MAP4K5: variants seen among roughly 807,000 people sequenced by gnomAD.
MAP4K5 encodes MAPK/ERK kinase kinase kinase 5.
MAP4K5 carries 82 observed loss-of-function variants against 135.6 expected under a neutral mutation model. The observed-to-expected ratio is 0.60, with a 90% confidence interval of 0.51 to 0.73. MAP4K5 has a LOEUF of 0.73. Ranked by LOEUF, MAP4K5 falls within the 30% of genes least tolerant of loss-of-function variation. The probability of loss-of-function intolerance (pLI) is 0.00; values close to 1 mark genes in which losing one functional copy is unlikely to be tolerated. For missense variants in MAP4K5, 907 were observed against 1,010.9 expected, an observed-to-expected ratio of 0.90 and a Z score of 1.39; for synonymous variants, 347 against 335.0, an observed-to-expected ratio of 1.04 and a Z score of -0.39.
At chr14:50,429,970 A>C (rs908348898) in intron 28 of MAP4K5, among the ~76,000 whole-genome samples, 6 of 152,190 alleles carry the variant, frequency 3.9e-5, no homozygotes, top group African/African-American at 1.4e-4. Flanking sequence ...GCTGAATCTA[A>C]GAAAAGATTT....
chr14:50,438,204 A>T, intron 23 of MAP4K5, 110 bp from the exon 24 acceptor site: 1 of 573,756 alleles, frequency 1.7e-6, no homozygotes, highest in Non-Finnish European at 3.1e-6. Flanking sequence ...AATGTTTTTA[A>T]ATTAACAGAT....
At chr14:50,495,328 A>G (rs2037569487) in intron 3 of MAP4K5, among the ~76,000 whole-genome samples, 2 of 152,220 alleles carry the variant, frequency 1.3e-5, no homozygotes, top group Non-Finnish European at 2.9e-5. Flanking sequence ...AACATGCTCA[A>G]CATCATTAAT....
chr14:50,515,061 G>T (rs555713914), intron 2 of MAP4K5, among the ~76,000 whole-genome samples: 1 of 151,960 alleles, frequency 6.6e-6, no homozygotes, highest in African/African-American at 2.4e-5. Context: ...TCGCCGCCAC[G>T]CTAGGCTAAT....
At chr14:50,422,342 T>G (rs529655518) in intron 32 of MAP4K5, among the ~76,000 whole-genome samples, 1 of 152,262 alleles carries the variant, frequency 6.6e-6, no homozygotes, top group Non-Finnish European at 1.5e-5. Flanking sequence ...CCTATAAAAC[T>G]CTCTTCAAAA....
At chr14:50,550,379 G>T (rs2038687276) in intron 1 of MAP4K5, among the ~76,000 whole-genome samples, 1 of 152,198 alleles carries the variant, frequency 6.6e-6, no homozygotes, top group African/African-American at 2.4e-5. Flanking sequence ...TGTTTGCCTT[G>T]TTTCTGCTAC....
In MAP4K5 at chr14:50,468,686, T is replaced by C. The variant is rs934666729; in HGVS notation, c.639A>G (p.Glu213=). The change falls in exon 10 of 33, where the codon GAA becomes GAG. Residue 213 remains glutamate (E), a synonymous_variant. Transcript: ENST00000682126. ...AVGITAIELG[E]LQPPMFDLHP... is the part of the protein sequence containing the mutation. Reference sequence around the variant, plus strand: ...GGAGATCAAACATAGGTGGCTGAAGTTCTCCAAGTTCAATTGCTGTTATTC... The same window carrying C: ...GGAGATCAAACATAGGTGGCTGAAGCTCTCCAAGTTCAATTGCTGTTATTC... 6.2e-7 allele frequency: 1 copy of C among 1,613,306 alleles called. No homozygotes were observed. The highest frequency in any genetic ancestry group is 1.3e-5 in the African/African-American group (1 of 74,924).
chr14:50,555,781 C>T (rs2038758330), intron 1 of MAP4K5, among the ~76,000 whole-genome samples: 2 of 152,146 alleles, frequency 1.3e-5, no homozygotes, highest in South Asian at 2.1e-4. Context: ...TATCTTTAAA[C>T]AAATTGTTGC....
intron 2 of MAP4K5, among the ~76,000 whole-genome samples, chr14:50,521,023 G>A (rs1341301419): frequency 6.6e-6 from 1 of 152,032 alleles, no homozygotes; most frequent in East Asian, 1.9e-4. Context: ...GTTTCAACAT[G>A]TTGGCCAGGC....
intron 15 of MAP4K5, among the ~76,000 whole-genome samples, chr14:50,448,196 G>C (rs2036401321): frequency 6.6e-6 from 1 of 151,868 alleles, no homozygotes; most frequent in Admixed American, 6.6e-5. Flanking sequence ...TGTATTTTTA[G>C]TAAAGACAGG....
intron 9 of MAP4K5, among the ~76,000 whole-genome samples, chr14:50,469,893 T>C (rs74370598): frequency 0.027 from 4,185 of 152,344 alleles, 77 homozygotes; most frequent in East Asian, 0.067. Flanking sequence ...GTTGCTTTTA[T>C]ATGTACTTAG....
intron 2 of MAP4K5, among the ~76,000 whole-genome samples, chr14:50,521,018 A>C (rs968962112): frequency 6.6e-6 from 1 of 152,016 alleles, no homozygotes; most frequent in African/African-American, 2.4e-5. Flanking sequence ...ACAGGGTTTC[A>C]ACATGTTGGC....
In MAP4K5 at chr14:50,490,186, G is replaced by GA. The variant is rs753198621; in HGVS notation, c.167-3993dup. 2.2e-3 allele frequency among the ~76,000 whole-genome samples: 255 copies of GA among 117,100 alleles called. 1 individual carries two copies. The highest frequency in any genetic ancestry group is 4.2e-3 in the Middle Eastern group (1 of 238). The allele number at this position is 117,100 out of a possible 152,430, so 76.8% of individuals were successfully genotyped here. On this transcript the variant is annotated intron_variant, in intron 3 of 32. Coordinates refer to ENST00000682126, the MANE Select transcript of MAP4K5 (RefSeq NM_006575.6). Reference sequence around the variant, plus strand: ...AAGGGAACTCAGCCTGATACTCTTAGAAAAAAAAAAAAATGACCCCCTTCA... The same window carrying GA: ...AAGGGAACTCAGCCTGATACTCTTAGAAAAAAAAAAAAAATGACCCCCTTCA...
chr14:50,468,445 A>C, intron 10 of MAP4K5: 1 of 539,352 alleles, frequency 1.9e-6, no homozygotes, highest in East Asian at 3.0e-5. Context: ...CAGAACAAGG[A>C]GCTTGATCTG....
At position 50,542,834 on chromosome 14, in the gene MAP4K5, G is replaced by A. The variant is rs557570571; in HGVS notation, c.-179-250C>T. On this transcript the variant is annotated intron_variant, in intron 1 of 8. Coordinates refer to the MAP4K5 transcript ENST00000555216. ...AAAGATAGGAGGAGAAATTCTCCCAGTGGATATAACTTTGAACAATACATC... is the reference window on the plus strand; with the variant it reads ...AAAGATAGGAGGAGAAATTCTCCCAATGGATATAACTTTGAACAATACATC... Among the ~76,000 whole-genome samples, 5 of 152,344 alleles carry A rather than the reference G, an allele frequency of 3.3e-5. No homozygotes were observed. The South Asian group carries it at 1.0e-3, about 32-fold the overall frequency.
At chr14:50,521,739 A>G (rs954146634) in intron 2 of MAP4K5, among the ~76,000 whole-genome samples, 24 of 152,186 alleles carry the variant, frequency 1.6e-4, no homozygotes, top group Admixed American at 1.5e-3. Flanking sequence ...TTCCCACATC[A>G]TCATCTCAAA....
At chr14:50,467,490 T>G (rs1566660037) in intron 10 of MAP4K5, among the ~76,000 whole-genome samples, 1 of 152,076 alleles carries the variant, frequency 6.6e-6, no homozygotes, top group Admixed American at 6.5e-5. Flanking sequence ...TATTTATAAT[T>G]TTTTTCACTA....
chr14:50,512,760 TTAA>T (rs2037955949), intron 2 of MAP4K5, among the ~76,000 whole-genome samples: 1 of 152,108 alleles, frequency 6.6e-6, no homozygotes, highest in Non-Finnish European at 1.5e-5. Context: ...TTTCAGAAAT[TTAA>T]CTATACAAAT....
chr14:50,465,834 T>G (rs2139825550), intron 11 of MAP4K5, among the ~76,000 whole-genome samples: 1 of 152,164 alleles, frequency 6.6e-6, no homozygotes, highest in Non-Finnish European at 1.5e-5. Flanking sequence ...TCTCAGCACT[T>G]TGGGAGGCCG....
chr14:50,520,553 C>T (rs1275459172), intron 2 of MAP4K5, among the ~76,000 whole-genome samples: 1 of 152,102 alleles, frequency 6.6e-6, no homozygotes, highest in Non-Finnish European at 1.5e-5. Context: ...CCTAATTATC[C>T]TAAATCAGAA....
Sources: allele counts gnomAD v4.1 joint callset (sites outside exome capture counted in the v4.1 genomes callset), GRCh38; gene constraint gnomAD v4.1.1; transcripts MANE v1.5; gene names NCBI Gene and HGNC (gene_info 2026-07-23, HGNC 2026-07-21).